Variants in OR1J2 observed in about 807,000 individuals in gnomAD.
OR1J2 encodes olfactory receptor family 1 subfamily J member 2.
For synonymous variants in OR1J2, 142 were observed against 99.7 expected (o/e 1.42, Z -2.52); for missense variants, 304 against 246.1 (o/e 1.24, Z -1.57).
chr9:122,535,015 T>G, the OR1J2 span, among the ~76,000 whole-genome samples: 1 of 151,292 alleles, frequency 6.6e-6, no homozygotes, highest in Non-Finnish European at 1.5e-5. Context: ...GTTGAAGAGG[T>G]TTTAGGTTTT....
upstream of OR1J2, among the ~76,000 whole-genome samples, chr9:122,509,474 G>T (rs1337687669): frequency 3.3e-5 from 5 of 152,216 alleles, no homozygotes; most frequent in Non-Finnish European, 7.3e-5. Context: ...CACTTAAACT[G>T]CTTTGTGTTG....
the OR1J2 span, among the ~76,000 whole-genome samples, chr9:122,468,823 G>GA: frequency 2.0e-5 from 3 of 152,298 alleles, no homozygotes; most frequent in Non-Finnish European, 1.5e-5. Context: ...AACCTCCTAT[G>GA]AACCTCTTCT....
At chr9:122,536,047 T>C in the OR1J2 span, among the ~76,000 whole-genome samples, 29 of 152,256 alleles carry the variant, frequency 1.9e-4, no homozygotes, top group East Asian at 4.6e-3. Flanking sequence ...TCACTTCTTT[T>C]GTGGTGGAAT....
the OR1J2 span, among the ~76,000 whole-genome samples, chr9:122,530,693 G>A: frequency 6.6e-6 from 1 of 152,156 alleles, no homozygotes; most frequent in African/African-American, 2.4e-5. Context: ...GGCGGGCTGA[G>A]TCCGAAAAGA....
chr9:122,526,812 A>C, the OR1J2 span: 5 of 1,614,036 alleles, frequency 3.1e-6, no homozygotes, highest in Admixed American at 8.3e-5. Context: ...CAACCGAGCC[A>C]TGAGGAACGT....
At chr9:122,519,865 G>C in the OR1J2 span, 2 of 1,614,042 alleles carry the variant, frequency 1.2e-6, no homozygotes, top group Non-Finnish European at 1.7e-6. Context: ...TCCACCTGTG[G>C]CTCTCACCTC....
chr9:122,497,973 G>A, the OR1J2 span, among the ~76,000 whole-genome samples: 1 of 151,828 alleles, frequency 6.6e-6, no homozygotes, highest in South Asian at 2.1e-4. Context: ...TAACTCTCAT[G>A]TAATTGTGTG....
the OR1J2 span, chr9:122,519,747 G>A: frequency 6.2e-7 from 1 of 1,614,052 alleles, no homozygotes; most frequent in Non-Finnish European, 8.5e-7. Flanking sequence ...TTTCACAGTG[G>A]GACAGGCAGT....
chr9:122,564,315 G>T, the OR1J2 span, among the ~76,000 whole-genome samples: 1 of 152,132 alleles, frequency 6.6e-6, no homozygotes, highest in Non-Finnish European at 1.5e-5. Flanking sequence ...TGCAACTGTG[G>T]TTATTTCTCC....
At chr9:122,503,332 C>T in the OR1J2 span, among the ~76,000 whole-genome samples, 1 of 152,166 alleles carries the variant, frequency 6.6e-6, no homozygotes, top group Non-Finnish European at 1.5e-5. Flanking sequence ...ACCATTTGGT[C>T]CCCCAGAAGA....
the OR1J2 span, chr9:122,477,366 C>A: frequency 6.2e-7 from 1 of 1,614,058 alleles, no homozygotes; most frequent in Non-Finnish European, 8.5e-7. Context: ...CTGAGCAGGA[C>A]AACTTGAGCA....
the OR1J2 span, among the ~76,000 whole-genome samples, chr9:122,465,543 G>T: frequency 6.6e-6 from 1 of 152,004 alleles, no homozygotes; most frequent in Admixed American, 6.5e-5. Flanking sequence ...TGGTCATACT[G>T]GGGGGCATTT....
chr9:122,510,104 G>T (rs1479243470), upstream of OR1J2, among the ~76,000 whole-genome samples: 1 of 152,076 alleles, frequency 6.6e-6, no homozygotes, highest in Non-Finnish European at 1.5e-5. Flanking sequence ...ACGTTTACCT[G>T]TGTAACAAAC....
At chr9:122,468,574 C>T in the OR1J2 span, among the ~76,000 whole-genome samples, 1 of 152,032 alleles carries the variant, frequency 6.6e-6, no homozygotes, top group African/African-American at 2.4e-5. Context: ...GAAAATACTT[C>T]AGGGATCTTA....
the OR1J2 span, among the ~76,000 whole-genome samples, chr9:122,536,732 G>T: frequency 0.011 from 1,687 of 152,258 alleles, 31 homozygotes; most frequent in African/African-American, 0.038. Flanking sequence ...TCTTGGAAAT[G>T]TGATCAAGAA....
the OR1J2 span, among the ~76,000 whole-genome samples, chr9:122,492,105 C>T: frequency 2.0e-5 from 3 of 152,060 alleles, no homozygotes; most frequent in Non-Finnish European, 4.4e-5. Context: ...TCCCATCACC[C>T]AGGTACTGAG....
At chr9:122,494,661 G>A in the OR1J2 span, among the ~76,000 whole-genome samples, 964 of 152,258 alleles carry the variant, frequency 6.3e-3, 6 homozygotes, top group African/African-American at 0.018. Flanking sequence ...TTTAAGTAGA[G>A]CATTTAGGCC....
At chr9:122,567,954 A>T in the OR1J2 span, 1 of 1,614,198 alleles carries the variant, frequency 6.2e-7, no homozygotes, top group Non-Finnish European at 8.5e-7. Context: ...AAAGTGGTGG[A>T]TAACATTGGA....
chr9:122,470,729 A>G, the OR1J2 span, among the ~76,000 whole-genome samples: 1 of 152,184 alleles, frequency 6.6e-6, no homozygotes, highest in Non-Finnish European at 1.5e-5. Flanking sequence ...GTACCCTGCA[A>G]AGCCACAGGG....
Sources: gnomAD v4.1 joint callset for allele counts (sites outside exome capture counted in the v4.1 genomes callset) on GRCh38, gnomAD v4.1.1 for gene constraint, MANE v1.5 for transcripts, NCBI Gene and HGNC (gene_info 2026-07-23, HGNC 2026-07-21) for gene names.